The following TULP4 variants were observed in gnomAD, a reference collection of about 807,000 sequenced individuals.
TULP4 encodes the protein TUB like protein 4.
A neutral mutation model predicts 129.0 loss-of-function variants in TULP4; 16 were observed. The observed-to-expected ratio is 0.12, with a 90% CI of 0.08 to 0.19. The LOEUF is 0.19. Among genes scored for constraint, TULP4 ranks in the 10% least tolerant of loss-of-function variants. TULP4 has a pLI of 1.00. For missense variants in TULP4, 1,842 were observed against 2,059.1 expected, an observed-to-expected ratio of 0.89 and a Z score of 2.04; for synonymous variants, 998 against 854.0, an observed-to-expected ratio of 1.17 and a Z score of -2.94.
chr6:158,336,745 T>C (rs1780044118), intron 1 of TULP4, among the ~76,000 whole-genome samples: 1 of 152,194 alleles, frequency 6.6e-6, no homozygotes, highest in African/African-American at 2.4e-5. Flanking sequence ...TCAGGTAAAG[T>C]TAGAATTTCA....
upstream of TULP4, among the ~76,000 whole-genome samples, chr6:158,308,834 G>C (rs1490413746): frequency 6.9e-6 from 1 of 144,218 alleles, no homozygotes; most frequent in Non-Finnish European, 1.5e-5. Flanking sequence ...AGGGGCGGCC[G>C]GGCAGAGGCG....
chr6:158,469,956 G>A (rs903340814), intron 6 of TULP4, among the ~76,000 whole-genome samples: 2 of 152,046 alleles, frequency 1.3e-5, no homozygotes, highest in African/African-American at 2.4e-5. Context: ...GGCAAGCCTC[G>A]TGTTCTCTGA....
At chr6:158,332,036 G>A (rs1390733869) in intron 1 of TULP4, among the ~76,000 whole-genome samples, 10 of 149,272 alleles carry the variant, frequency 6.7e-5, no homozygotes, top group Non-Finnish European at 1.5e-4. Context: ...GCCAGGCATC[G>A]TGGCACACAC....
intron 1 of TULP4, among the ~76,000 whole-genome samples, chr6:158,347,256 A>G (rs566050104): frequency 6.6e-6 from 1 of 152,326 alleles, no homozygotes; most frequent in African/African-American, 2.4e-5. Context: ...AAATTTGTAT[A>G]TTTCATATAA....
chr6:158,413,217 C>G lies in TULP4; in HGVS notation c.381+24C>G, dbSNP rs1583848921. ...AGGTGAGTGGCAGGCGCAGCTCTGC[C>G]AGTGAAGGGCTGCGGGGTAGAGGAC... is the stretch of plus-strand genomic sequence containing the variant. On this transcript the variant is annotated intron_variant, in intron 2 of 13. Transcript: ENST00000367097. The surrounding 1 kb of genome is among the most constrained non-coding windows in gnomAD (Gnocchi z 4.9). 1.3e-6 allele frequency: 2 copies of G among 1,599,834 alleles called. No individual in the cohort carries two copies. Among genetic ancestry groups the G allele is most frequent in the Non-Finnish European group, 1.7e-6 (2 of 1,170,096 alleles).
At chr6:158,488,515 T>A (rs918108098) in intron 8 of TULP4, among the ~76,000 whole-genome samples, 1 of 152,144 alleles carries the variant, frequency 6.6e-6, no homozygotes, top group Non-Finnish European at 1.5e-5. Flanking sequence ...TTGCCAAGCT[T>A]TTCTGCCTCA....
At chr6:158,255,385 C>A (rs1187703972) in intron 1 of TULP4, among the ~76,000 whole-genome samples, 2 of 152,076 alleles carry the variant, frequency 1.3e-5, no homozygotes, top group Non-Finnish European at 2.9e-5. Flanking sequence ...TGATCTTATC[C>A]CTAGCACTGG....
At chr6:158,412,796 C>T (rs989337329) in intron 1 of TULP4, among the ~76,000 whole-genome samples, 2 of 152,122 alleles carry the variant, frequency 1.3e-5, no homozygotes, top group African/African-American at 2.4e-5. Flanking sequence ...GTGCTGGGTG[C>T]GGATGGGCCC....
At chr6:158,364,859 T>C (rs968352272) in intron 1 of TULP4, among the ~76,000 whole-genome samples, 3 of 151,946 alleles carry the variant, frequency 2.0e-5, no homozygotes, top group African/African-American at 4.8e-5. Flanking sequence ...GACTCAGCCT[T>C]CCGAGTTGTG....
chr6:158,262,928 G>C (rs1040927084), intron 1 of TULP4, among the ~76,000 whole-genome samples: 3 of 71,090 alleles, frequency 4.2e-5, no homozygotes, highest in Non-Finnish European at 7.7e-5. Context: ...CATCACTTCA[G>C]CCAAGTCATT....
In TULP4 at chr6:158,429,782, C is replaced by G. The variant is rs1424290736; in HGVS notation, c.428C>G (p.Ser143Cys). 1 of 1,613,898 alleles carries G rather than the reference C, an allele frequency of 6.2e-7. No homozygotes were observed. The highest frequency in any genetic ancestry group is 2.2e-5 in the East Asian group (1 of 44,848). The change falls in exon 3 of 14, where the codon TCC becomes TGC. Residue 143 changes from serine to cysteine, a missense_variant. Ser to Cys is a moderately radical substitution (Grantham distance 112). Transcript: ENST00000367097. The part of the protein sequence containing the change: ...WSHDGTQALI[S>C]YRDGFVLVGS... ...CATGATGGAACTCAAGCACTTATTT[C>G]CTATCGAGATGGGTTTGTCCTGGTT...
intron 1 of TULP4, among the ~76,000 whole-genome samples, chr6:158,391,787 T>G (rs1026703234): frequency 6.6e-6 from 1 of 152,168 alleles, no homozygotes; most frequent in Non-Finnish European, 1.5e-5. Context: ...TAACTTTGTG[T>G]TGTTATTGTC....
chr6:158,362,362 T>A (rs1332113111), intron 1 of TULP4, among the ~76,000 whole-genome samples: 3 of 144,808 alleles, frequency 2.1e-5, no homozygotes, highest in Non-Finnish European at 3.0e-5. Context: ...TTTTTTTTTT[T>A]CTTAACAGAT....
At chr6:158,485,283 A>G (rs1328077837) in intron 8 of TULP4, among the ~76,000 whole-genome samples, 1 of 152,236 alleles carries the variant, frequency 6.6e-6, no homozygotes, top group Non-Finnish European at 1.5e-5. Flanking sequence ...GGAAGAAGGA[A>G]TTGTTAAGAT....
At position 158,509,597 on chromosome 6, in the gene TULP4, A is replaced by T. The variant is rs1780685732; in HGVS notation, c.*2903A>T. Reference sequence around the variant, plus strand: ...AAGAAAAAAATGGATTTTTTTAGCAAATAATTAACTAAGCTTCTAAATGCC... The same window carrying T: ...AAGAAAAAAATGGATTTTTTTAGCATATAATTAACTAAGCTTCTAAATGCC... On this transcript the variant is annotated 3_prime_UTR_variant, in exon 14 of 14. Transcript: ENST00000367097. 6.6e-6 allele frequency: 1 copy of T among 152,234 alleles called. No individual in the cohort carries two copies. The highest frequency in any genetic ancestry group is 2.1e-4 in the South Asian group (1 of 4,830). The allele number at this position is 152,234 out of a possible 1,614,324, so 9.4% of individuals were successfully genotyped here.
chr6:158,325,150 A>G (rs1231818687), intron 1 of TULP4, among the ~76,000 whole-genome samples: 1 of 152,220 alleles, frequency 6.6e-6, no homozygotes, highest in Admixed American at 6.5e-5. Context: ...GAGTGTAAAA[A>G]TTACCATTCA....
At chr6:158,321,736 A>G (rs902452536) in intron 1 of TULP4, among the ~76,000 whole-genome samples, 1 of 152,196 alleles carries the variant, frequency 6.6e-6, no homozygotes, top group African/African-American at 2.4e-5. Flanking sequence ...CACCATGCCT[A>G]GCATAAACCT....
Position 158,494,852 on chromosome 6 carries a change from A to C in TULP4, c.1870+6A>C, listed in dbSNP as rs751211753. The C allele has an allele frequency of 6.2e-7, 1 of 1,613,256 alleles. No individual in the cohort carries two copies. The highest frequency in any genetic ancestry group is 1.1e-5 in the South Asian group (1 of 91,006). On this transcript the variant is annotated splice_donor_region_variant and intron_variant, in intron 11 of 13. Coordinates refer to ENST00000367097, the MANE Select transcript of TULP4 (RefSeq NM_020245.5). The stretch of plus-strand genomic sequence containing the variant: ...GCCAACCAACCTCGGTGCAGGTAAA[A>C]ATCATGTCCTCTTCTCTCATTGTCC...
At chr6:158,381,117 T>G (rs181850890) in intron 1 of TULP4, among the ~76,000 whole-genome samples, 104 of 150,906 alleles carry the variant, frequency 6.9e-4, no homozygotes, top group African/African-American at 2.4e-3. Flanking sequence ...TTGGTGATTT[T>G]GGGAGAAACG....
Sources: allele counts gnomAD v4.1 joint callset (sites outside exome capture counted in the v4.1 genomes callset), GRCh38; gene constraint gnomAD v4.1.1; non-coding constraint Gnocchi (gnomAD v3.1); transcripts MANE v1.5; gene names NCBI Gene and HGNC (gene_info 2026-07-23, HGNC 2026-07-21).